Variants in SPRTN observed in about 807,000 individuals in gnomAD.
SPRTN encodes SprT-like N-terminal domain.
Under a neutral mutation model 31.9 loss-of-function variants are expected in SPRTN, and 11 were observed. That is an observed-to-expected ratio of 0.34 (90% CI 0.22 to 0.57). The LOEUF (loss-of-function observed/expected upper bound fraction) is 0.57. Ranked by LOEUF, SPRTN falls within the 20% of genes least tolerant of loss-of-function variation. The pLI, the probability that SPRTN is intolerant of heterozygous loss-of-function variation, is 0.86. For missense variants in SPRTN, 482 were observed against 590.1 expected (o/e 0.82, Z 1.90); for synonymous variants, 185 against 212.1 (o/e 0.87, Z 1.11).
chr1:231,352,935 A>C lies in SPRTN; in HGVS notation c.1044A>C (p.Gly348=), dbSNP rs1687284748. Reference sequence around the variant, plus strand: ...AAAAGGCTTTCAGAGGTGTGAATGGATCTCCAAGGATAAGTGTAACAGTTG... The same window carrying C: ...AAAAGGCTTTCAGAGGTGTGAATGGCTCTCCAAGGATAAGTGTAACAGTTG... ...ANQKAFRGVN[G]SPRISVTVGN... The change falls in exon 5 of 5, where the codon GGA becomes GGC. Residue 348 remains glycine, a synonymous_variant. Coordinates refer to ENST00000295050, the MANE Select transcript of SPRTN (RefSeq NM_032018.7). The C allele has an allele frequency of 6.2e-7, 1 of 1,614,030 alleles. No homozygotes were observed. Among genetic ancestry groups the C allele is most frequent in the African/African-American group, 1.3e-5 (1 of 74,926 alleles).
chr1:231,348,319 G>C (rs1317224414), intron 3 of SPRTN, among the ~76,000 whole-genome samples: 3 of 152,110 alleles, frequency 2.0e-5, no homozygotes, highest in African/African-American at 7.2e-5. Flanking sequence ...GTATAGCATT[G>C]TAGGAGATAG....
rs115262635 is a variant in SPRTN at position 231,349,898 on chromosome 1, G to A, written c.451-1406G>A. On this transcript the variant is annotated intron_variant, in intron 3 of 4. Transcript: ENST00000295050. ...GTGGTAGCTCACGCCTGTATTCGCG[G>A]CTACTCGAGAGGCAGAGGTGGAAGG... is the stretch of plus-strand genomic sequence containing the variant. Among the ~76,000 whole-genome samples the A allele has an allele frequency of 7.8e-3, 1,194 of 152,278 alleles. 23 individuals are homozygous for A. Among genetic ancestry groups the A allele is most frequent in the African/African-American group, 0.028 (1,161 of 41,546 alleles).
At chr1:231,343,918 A>T (rs1452359198) in intron 2 of SPRTN, among the ~76,000 whole-genome samples, 1 of 152,160 alleles carries the variant, frequency 6.6e-6, no homozygotes, top group East Asian at 1.9e-4. Flanking sequence ...AACTGGGGGC[A>T]TATTTAGGAC....
intron 3 of SPRTN, among the ~76,000 whole-genome samples, chr1:231,349,985 C>A (rs7522765): frequency 0.012 from 1,878 of 152,278 alleles, 43 homozygotes; most frequent in African/African-American, 0.043. Context: ...TCACTCCAGC[C>A]TGGGCAAACA....
chr1:231,344,181 C>G (rs1343605391), intron 2 of SPRTN, among the ~76,000 whole-genome samples: 2 of 152,222 alleles, frequency 1.3e-5, no homozygotes, highest in African/African-American at 4.8e-5. Context: ...GAAACTTTTG[C>G]AGTACCTTTC....
chr1:231,347,975 A>G (rs1345305756), intron 3 of SPRTN, 50 bp downstream of exon 3: 2 of 1,570,646 alleles, frequency 1.3e-6, no homozygotes, highest in East Asian at 2.2e-5. Flanking sequence ...TTTATTCAAT[A>G]ACTCCTGAGA....
At position 231,354,430 on chromosome 1, in the gene SPRTN, A is replaced by G. The variant is rs2102877993; in HGVS notation, c.*1069A>G. On this transcript the variant is annotated 3_prime_UTR_variant, in exon 5 of 5. Coordinates refer to ENST00000295050, the MANE Select transcript of SPRTN (RefSeq NM_032018.7). ...ACTTTGTTGTAATACAGGTGCACAA[A>G]TCTTAAGTGCACAGCTGGGTAAACT... 1.0e-6 allele frequency: 1 copy of G among 974,576 alleles called. No individual in the cohort carries two copies. Among genetic ancestry groups the G allele is most frequent in the East Asian group, 1.1e-4 (1 of 8,760 alleles). The allele number at this position is 974,576 out of a possible 1,614,324, so 60.4% of individuals were successfully genotyped here. A position where few individuals can be genotyped will look rare whatever the true frequency, so the allele number is the denominator to read the frequency against.
intron 2 of SPRTN, 35 bp downstream of exon 2, chr1:231,339,903 A>G (rs763397666): frequency 1.9e-6 from 3 of 1,585,866 alleles, no homozygotes; most frequent in Middle Eastern, 1.7e-4. Flanking sequence ...CTAGCGCAGT[A>G]ATTTACAAAT....
At chr1:231,343,169 C>CTATACTCTATAGCCTAGGTATA (rs1686950096) in intron 2 of SPRTN, among the ~76,000 whole-genome samples, 2 of 151,932 alleles carry the variant, frequency 1.3e-5, no homozygotes, top group African/African-American at 2.4e-5. Context: ...GAGCGGCAGG[C>CTATACTCTATAGCCTAGGTATA]TATACTCTAT....
At position 231,338,528 on chromosome 1, in the gene SPRTN, T is replaced by C. The variant is rs1686760954; in HGVS notation, c.145T>C (p.Phe49Leu). 6 of 1,614,200 alleles carry C rather than the reference T, an allele frequency of 3.7e-6. No homozygotes were observed. Among genetic ancestry groups the C allele is most frequent in the Non-Finnish European group, 5.1e-6 (6 of 1,180,032 alleles). The part of the protein sequence containing the change: ...VDPTPDLQAL[F>L]VQFNDQFFWG... Reference sequence around the variant, plus strand: ...CCCCACACCGGACTTGCAGGCACTGTTTGTTCAGTTTAACGACCAATTCTT... The same window carrying C: ...CCCCACACCGGACTTGCAGGCACTGCTTGTTCAGTTTAACGACCAATTCTT... The change falls in exon 1 of 5, where the codon TTT becomes CTT. Residue 49 changes from phenylalanine (F) to leucine (L), a missense_variant. Physicochemically the swap from Phe to Leu is conservative, Grantham distance 22. Transcript: ENST00000295050.
At chr1:231,351,631 A>G in intron 4 of SPRTN, 60 bp downstream of exon 4, 1 of 1,577,644 alleles carries the variant, frequency 6.3e-7, no homozygotes, top group Non-Finnish European at 8.6e-7. Context: ...TAAAGACAAT[A>G]CTGTCCTTCA....
rs1445955794 is a variant in SPRTN, at chr1:231,352,999, A to G, written c.1108A>G (p.Arg370Gly). Reference protein sequence around the residue: ...PKNSVSSSSQRRVSSSKISLR... With the variant: ...PKNSVSSSSQGRVSSSKISLR... ...AAACTCAGTCTCTTCTAGTTCTCAG[A>G]GAAGGGTTTCATCTTCTAAGATATC... Residue 370 changes from arginine (R) to glycine (G), a missense_variant, in exon 5 of 5, where the codon AGA becomes GGA. Arg to Gly is a moderately radical substitution (Grantham distance 125, BLOSUM62 -2). Around this residue, in one of 2 missense-constraint regions of SPRTN, gnomAD observed 325 missense variants for 350.2 expected, o/e 0.93. Transcript: ENST00000295050. 1 of 1,614,056 alleles carries G rather than the reference A, an allele frequency of 6.2e-7. No homozygotes were observed. The highest frequency in any genetic ancestry group is 1.3e-5 in the African/African-American group (1 of 74,934).
At position 231,354,349 on chromosome 1, in the gene SPRTN, A is replaced by G. The variant is rs1210377118; in HGVS notation, c.*988A>G. On this transcript the variant is annotated 3_prime_UTR_variant, in exon 5 of 5. Transcript: ENST00000295050. ...TCTTGTGGCTGTACATGCTGTTGGC[A>G]TAGCCCTAACACAGTTGTTCACAAG... is the stretch of plus-strand genomic sequence containing the variant. 2.0e-6 allele frequency: 2 copies of G among 985,206 alleles called. No individual in the cohort carries two copies. 61.0% of individuals were successfully genotyped at this position (985,206 alleles called of 1,614,324 possible).
Position 231,338,330 on chromosome 1 carries a change from G to T in SPRTN, c.-54G>T, listed in dbSNP as rs907608566. 1 of 1,596,776 alleles carries T rather than the reference G, an allele frequency of 6.3e-7. No homozygotes were observed. The highest frequency in any genetic ancestry group is 1.3e-5 in the African/African-American group (1 of 74,728). On this transcript the variant is annotated 5_prime_UTR_variant, in exon 1 of 5. Coordinates refer to ENST00000295050, the MANE Select transcript of SPRTN (RefSeq NM_032018.7). ...CGGCTAGGCGGCTTGGGGTCGCGGC[G>T]TAACTGGGGAGCCAGCCTGACGCCG...
At chr1:231,340,239 C>T (rs1686838226) in intron 2 of SPRTN, among the ~76,000 whole-genome samples, 1 of 151,280 alleles carries the variant, frequency 6.6e-6, no homozygotes, top group African/African-American at 2.4e-5. Flanking sequence ...TGGTGGCCGG[C>T]GCCTGTAGTC....
At chr1:231,352,490 A>G in intron 4 of SPRTN, 120 bp from the exon 5 acceptor site, 2 of 1,467,436 alleles carry the variant, frequency 1.4e-6, no homozygotes, top group South Asian at 1.6e-5. Context: ...GTATGGATGT[A>G]AGATGGAATA....
intron 2 of SPRTN, among the ~76,000 whole-genome samples, chr1:231,343,626 T>TC (rs1347444853): frequency 2.0e-5 from 3 of 152,108 alleles, no homozygotes; most frequent in Non-Finnish European, 4.4e-5. Flanking sequence ...AAACGTCGTC[T>TC]TTACCACAGC....
At position 231,353,503 on chromosome 1, in the gene SPRTN, A is replaced by G. The variant is rs1687304785; in HGVS notation, c.*142A>G. 1 of 1,389,736 alleles carries G rather than the reference A, an allele frequency of 7.2e-7. No homozygotes were observed. Among genetic ancestry groups the G allele is most frequent in the Non-Finnish European group, 9.3e-7 (1 of 1,079,828 alleles). 86.1% of individuals were successfully genotyped at this position (1,389,736 alleles called of 1,614,324 possible). On this transcript the variant is annotated 3_prime_UTR_variant, in exon 5 of 5. Coordinates refer to ENST00000295050, the MANE Select transcript of SPRTN (RefSeq NM_032018.7). ...CAATAGAAAGTGTCCTATTTTATAT[A>G]TACGCATATAAGATTGTAATTTTAA...
rs1180575913 is a variant in SPRTN at position 231,338,293 on chromosome 1, A to G, written c.-91A>G. ...CGAGAGCCGGCATCTCCTAGGAGCTAGTCCTGGTCCTCGGCTAGGCGGCTT... is the reference window on the plus strand; with the variant it reads ...CGAGAGCCGGCATCTCCTAGGAGCTGGTCCTGGTCCTCGGCTAGGCGGCTT... On this transcript the variant is annotated 5_prime_UTR_variant, in exon 1 of 5. Coordinates refer to ENST00000295050, the MANE Select transcript of SPRTN (RefSeq NM_032018.7). 2.6e-5 allele frequency: 36 copies of G among 1,390,464 alleles called. No homozygotes were observed. The highest frequency in any genetic ancestry group is 3.5e-5 in the Non-Finnish European group (35 of 999,444). The allele number at this position is 1,390,464 out of a possible 1,614,324, so 86.1% of individuals were successfully genotyped here.
Sources: allele counts gnomAD v4.1 joint callset (sites outside exome capture counted in the v4.1 genomes callset), GRCh38; gene constraint gnomAD v4.1.1; regional missense constraint gnomAD v4.1.1; transcripts MANE v1.5; gene names NCBI Gene and HGNC (gene_info 2026-07-23, HGNC 2026-07-21).